Variants in MDN1 observed in about 807,000 individuals in gnomAD.
MDN1 encodes the protein midasin.
A neutral mutation model predicts 669.2 loss-of-function variants in MDN1; 266 were observed. The observed-to-expected ratio is 0.40, with a 90% CI of 0.36 to 0.44. The LOEUF (loss-of-function observed/expected upper bound fraction) is 0.44. Ranked by LOEUF, MDN1 falls within the 20% of genes least tolerant of loss-of-function variation. The pLI is 1.00. For missense variants in MDN1, 5,940 were observed against 6,754.0 expected (o/e 0.88, Z 4.22); for synonymous variants, 2,385 against 2,457.1 (o/e 0.97, Z 0.87).
intron 11 of MDN1, among the ~76,000 whole-genome samples, chr6:89,779,935 A>C (rs1818573017): frequency 6.6e-6 from 1 of 151,986 alleles, no homozygotes; most frequent in Non-Finnish European, 1.5e-5. Flanking sequence ...GGGTGGTGGC[A>C]GGTGCCTGTA....
At chr6:89,667,036 A>G (rs1810302962) in intron 84 of MDN1, among the ~76,000 whole-genome samples, 1 of 152,240 alleles carries the variant, frequency 6.6e-6, no homozygotes, top group Non-Finnish European at 1.5e-5. Flanking sequence ...TGACACTAGC[A>G]TTTCTATAAG....
chr6:89,662,874 C>G lies in MDN1; in HGVS notation c.14330G>C (p.Arg4777Thr), dbSNP rs1418000631. The change falls in exon 86 of 102, where the codon AGG (arginine) becomes ACG (threonine). Residue 4777 changes from arginine (R) to threonine (T), a missense_variant. Around this residue, in one of 5 missense-constraint regions of MDN1, gnomAD observed 2,280 missense variants for 2,576.3 expected, o/e 0.88. Coordinates refer to ENST00000369393, the MANE Select transcript of MDN1 (RefSeq NM_014611.3). Reference protein sequence around the residue: ...NGEEADKLDERLWGDDDEEED... With the variant: ...NGEEADKLDETLWGDDDEEED... Reference sequence around the variant, plus strand: ...CTCCTCATCATCATCACCCCAAAGCCTCTCATCTAGTTTGTCAGCTTCCTC... The same window carrying G: ...CTCCTCATCATCATCACCCCAAAGCGTCTCATCTAGTTTGTCAGCTTCCTC... 12 of 1,613,992 alleles carry G rather than the reference C, an allele frequency of 7.4e-6. No individual in the cohort carries two copies. Among genetic ancestry groups the G allele is most frequent in the Middle Eastern group, 3.3e-4 (2 of 6,060 alleles).
At chr6:89,689,003 C>T (rs186285248) in intron 65 of MDN1, among the ~76,000 whole-genome samples, 195 bp from the exon 66 acceptor site, 2 of 152,274 alleles carry the variant, frequency 1.3e-5, no homozygotes, top group East Asian at 3.9e-4. Flanking sequence ...AACCTCTTTT[C>T]TACTAAAAAT....
At chr6:89,778,904 A>AAATAAAT (rs1818487295) in intron 11 of MDN1, among the ~76,000 whole-genome samples, 1 of 145,174 alleles carries the variant, frequency 6.9e-6, no homozygotes, top group Non-Finnish European at 1.5e-5. Flanking sequence ...ATAAATAAAT[A>AAATAAAT]AATAAATAAA....
In MDN1 at chr6:89,699,738, A is replaced by T. The variant is rs1813011830; in HGVS notation, c.8871-11T>A. 6.2e-7 allele frequency: 1 copy of T among 1,613,646 alleles called. No homozygotes were observed. Among genetic ancestry groups the T allele is most frequent in the Non-Finnish European group, 8.5e-7 (1 of 1,179,764 alleles). ...TGATTTTTGCTGCATCTGTTCCAAA[A>T]ATAAAGAGGGAGAGGGTGGGGTATG... On this transcript the variant is annotated splice_polypyrimidine_tract_variant and intron_variant, in intron 57 of 101. Transcript: ENST00000369393.
chr6:89,748,826 AAGGTGGGTGGATCCCTTG>A (rs1252720847), intron 26 of MDN1, among the ~76,000 whole-genome samples: 1 of 152,062 alleles, frequency 6.6e-6, no homozygotes, highest in African/African-American at 2.4e-5. Flanking sequence ...TTGGGAGATC[AAGGTGGGTGGATCCCTTG>A]AGCCCAGGAG....
Position 89,688,601 on chromosome 6 carries a change from T to C in MDN1, c.11231A>G (p.Asp3744Gly). ...FSEAVSHLLQDWPEHPALEQL... is the reference protein window; with the variant it reads ...FSEAVSHLLQGWPEHPALEQL... Reference sequence around the variant, plus strand: ...TTCAAGCGCTGGGTGTTCTGGCCAGTCCTGTAGCAAGTGACTGACAGCCTC... The same window carrying C: ...TTCAAGCGCTGGGTGTTCTGGCCAGCCCTGTAGCAAGTGACTGACAGCCTC... Residue 3744 changes from aspartate (D) to glycine (G), a missense_variant, in exon 66 of 102, where the codon GAC (aspartate) becomes GGC (glycine). By Grantham distance (94) the Asp-to-Gly change is moderately conservative. Around this residue, in one of 5 missense-constraint regions of MDN1, gnomAD observed 2,280 missense variants for 2,576.3 expected, o/e 0.88. Transcript: ENST00000369393. 2 of 1,614,120 alleles carry C rather than the reference T, an allele frequency of 1.2e-6. No individual in the cohort carries two copies. The highest frequency in any genetic ancestry group is 1.7e-6 in the Non-Finnish European group (2 of 1,179,976).
At chr6:89,804,975 T>C (rs1233575610) in intron 1 of MDN1, among the ~76,000 whole-genome samples, 1 of 134,692 alleles carries the variant, frequency 7.4e-6, no homozygotes, top group Non-Finnish European at 1.5e-5. Context: ...AGGCGGAGCC[T>C]GTAGTGAGCC....
chr6:89,689,646 C>A (rs1407342661), intron 65 of MDN1, among the ~76,000 whole-genome samples: 1 of 152,186 alleles, frequency 6.6e-6, no homozygotes, highest in African/African-American at 2.4e-5. Context: ...CAATAAAAAT[C>A]CATCTTTTTC....
intron 26 of MDN1, 148 bp from the exon 27 acceptor site, chr6:89,747,618 G>C (rs189691119): frequency 6.3e-6 from 6 of 950,824 alleles, no homozygotes; most frequent in Admixed American, 5.9e-5. Context: ...TTGGCCGGGC[G>C]TGGTGGCTCA....
chr6:89,770,849 T>C (rs150196918), intron 15 of MDN1, among the ~76,000 whole-genome samples: 1 of 152,306 alleles, frequency 6.6e-6, no homozygotes, highest in East Asian at 1.9e-4. Flanking sequence ...CAAACATTAA[T>C]TGATTATATA....
chr6:89,799,671 G>A (rs1289154130), intron 2 of MDN1, among the ~76,000 whole-genome samples: 4 of 152,046 alleles, frequency 2.6e-5, no homozygotes, highest in African/African-American at 7.2e-5. Context: ...TAACAAGAAC[G>A]AAATTCCATC....
intron 19 of MDN1, 85 bp downstream of exon 19, chr6:89,758,170 A>T: frequency 9.3e-7 from 1 of 1,074,916 alleles, no homozygotes; most frequent in Non-Finnish European, 1.4e-6. Context: ...GCAGTGAGCC[A>T]AGATCACGCC....
At chr6:89,716,846 C>T in intron 43 of MDN1, 37 bp from the exon 44 acceptor site, 1 of 1,523,012 alleles carries the variant, frequency 6.6e-7, no homozygotes, top group Middle Eastern at 1.8e-4. Context: ...ATCCACAGCA[C>T]TTAACTTCAA....
At chr6:89,809,141 C>T (rs543274780) in intron 1 of MDN1, among the ~76,000 whole-genome samples, 2 of 145,112 alleles carry the variant, frequency 1.4e-5, no homozygotes, top group South Asian at 2.2e-4. Flanking sequence ...CACTTGAGCC[C>T]GGAAGGTTGA....
chr6:89,756,628 A>G (rs900466961), intron 19 of MDN1, among the ~76,000 whole-genome samples: 4 of 152,240 alleles, frequency 2.6e-5, no homozygotes, highest in African/African-American at 9.6e-5. Flanking sequence ...TTACAAGAAG[A>G]AAAAGATACA....
In MDN1 at chr6:89,645,175, C is replaced by G. The variant is rs775048564; in HGVS notation, c.16460-18G>C. ...TGCAGTTTCTGTAGACCATATAAGA[C>G]GAAGCAAGGGAATAAAATGAACAGC... On this transcript the variant is annotated intron_variant, in intron 100 of 101. Coordinates refer to ENST00000369393, the MANE Select transcript of MDN1 (RefSeq NM_014611.3). The G allele has an allele frequency of 6.4e-7, 1 of 1,573,876 alleles. No individual in the cohort carries two copies. The highest frequency in any genetic ancestry group is 8.7e-7 in the Non-Finnish European group (1 of 1,149,918).
rs1341557044 is a variant in MDN1, at chr6:89,749,313, A to G, written c.3672T>C (p.Pro1224=). The change falls in exon 26 of 102, where the codon CCT becomes CCC. Residue 1224 remains proline (P), a synonymous_variant. Transcript: ENST00000369393. ...RFVELHFDEL[P]SSELETILHK... ...GCAAGATTGTTTCCAACTCGGAGCT[A>G]GGTAACTCATCAAAGTGCAATTCCA... 6.2e-7 allele frequency: 1 copy of G among 1,614,172 alleles called. No homozygotes were observed. Among genetic ancestry groups the G allele is most frequent in the Admixed American group, 1.7e-5 (1 of 60,026 alleles).
chr6:89,730,637 G>T, intron 35 of MDN1, 89 bp downstream of exon 35: 1 of 968,246 alleles, frequency 1.0e-6, no homozygotes, highest in Non-Finnish European at 1.5e-6. Context: ...ATAATCATGA[G>T]TATTACACAT....
Sources: gnomAD v4.1 joint callset for allele counts (sites outside exome capture counted in the v4.1 genomes callset) on GRCh38, gnomAD v4.1.1 for gene constraint, gnomAD v4.1.1 regional missense constraint, MANE v1.5 for transcripts, NCBI Gene and HGNC (gene_info 2026-07-23, HGNC 2026-07-21) for gene names.